Variants in ZNF804B observed in about 807,000 individuals in gnomAD.
ZNF804B encodes the protein zinc finger protein 804B, also known as zinc finger 804B.
Under a neutral mutation model 101.4 loss-of-function variants are expected in ZNF804B, and 80 were observed. The observed-to-expected ratio is 0.79, with a 90% CI of 0.66 to 0.95. The LOEUF (loss-of-function observed/expected upper bound fraction) is 0.95. Among genes scored for constraint, ZNF804B ranks in the 40% least tolerant of loss-of-function variants. The pLI is 0.00. For missense variants in ZNF804B, 1,673 were observed against 1,561.9 expected (o/e 1.07, Z -1.20); for synonymous variants, 622 against 558.8 (o/e 1.11, Z -1.59).
intron 1 of ZNF804B, among the ~76,000 whole-genome samples, chr7:88,832,752 C>G (rs372132874): frequency 1.3e-5 from 2 of 151,924 alleles, no homozygotes; most frequent in East Asian, 3.9e-4. Flanking sequence ...TTTGAAATTT[C>G]CCTTAGGCCG....
At chr7:89,275,454 T>A (rs977613676) in intron 2 of ZNF804B, among the ~76,000 whole-genome samples, 3 of 151,922 alleles carry the variant, frequency 2.0e-5, no homozygotes, top group Non-Finnish European at 4.4e-5. Flanking sequence ...TCAAAATGGA[T>A]AATGATCTGG....
rs1790917631 is a variant in ZNF804B, at chr7:89,154,030, C to T, written c.109-64125C>T. On this transcript the variant is annotated intron_variant, in intron 1 of 3. Coordinates refer to ENST00000333190, the MANE Select transcript of ZNF804B (RefSeq NM_181646.5). Reference sequence around the variant, plus strand: ...GAATATGTAAGGAACACAAACAAATCCATAGGAAAAAATCTAATAATCCAA... The same window carrying T: ...GAATATGTAAGGAACACAAACAAATTCATAGGAAAAAATCTAATAATCCAA... 1.4e-5 allele frequency among the ~76,000 whole-genome samples: 2 copies of T among 147,508 alleles called. 1 individual carries two copies. Among genetic ancestry groups the T allele is most frequent in the South Asian group, 4.4e-4 (2 of 4,512 alleles).
intron 2 of ZNF804B, among the ~76,000 whole-genome samples, chr7:89,226,427 G>T (rs929879912): frequency 1.3e-5 from 2 of 151,920 alleles, no homozygotes; most frequent in South Asian, 2.1e-4. Context: ...AATGTTTTGG[G>T]TCTACTAAAA....
intron 1 of ZNF804B, among the ~76,000 whole-genome samples, chr7:88,782,628 C>G (rs73705517): frequency 6.6e-6 from 1 of 152,040 alleles, no homozygotes; most frequent in African/African-American, 2.4e-5. Context: ...CTTGTAGAAA[C>G]ACACAGTGGG....
chr7:88,840,687 T>C lies in ZNF804B; in HGVS notation c.108+80603T>C, dbSNP rs1395464508. 3.3e-5 allele frequency among the ~76,000 whole-genome samples: 5 copies of C among 151,858 alleles called. No individual in the cohort carries two copies. In the East Asian group the frequency reaches 7.7e-4, roughly 24 times the overall value. ...TGAACTGAGATGAGATTGAATTGAA[T>C]ACATTAACTAATAAGCACTAGATTG... is the stretch of plus-strand genomic sequence containing the variant. On this transcript the variant is annotated intron_variant, in intron 1 of 3. Transcript: ENST00000333190.
chr7:89,301,204 T>C (rs1158189392), intron 2 of ZNF804B, among the ~76,000 whole-genome samples: 1 of 148,172 alleles, frequency 6.7e-6, no homozygotes, highest in Non-Finnish European at 1.5e-5. Context: ...TACCACACAC[T>C]TATTTTGACA....
Position 89,277,229 on chromosome 7 carries a change from C to A in ZNF804B, c.250-50115C>A, listed in dbSNP as rs1470422435. Among the ~76,000 whole-genome samples, 2 of 149,768 alleles carry A rather than the reference C, an allele frequency of 1.3e-5. 1 individual carries two copies. The highest frequency in any genetic ancestry group is 4.9e-5 in the African/African-American group (2 of 40,704). On this transcript the variant is annotated intron_variant, in intron 2 of 3. Coordinates refer to ENST00000333190, the MANE Select transcript of ZNF804B (RefSeq NM_181646.5). Reference sequence around the variant, plus strand: ...TTCCTCAAATGCAGAGCTAATGCACCAATAAACAAACATTTGTGAGTATAT... The same window carrying A: ...TTCCTCAAATGCAGAGCTAATGCACAAATAAACAAACATTTGTGAGTATAT...
intron 2 of ZNF804B, among the ~76,000 whole-genome samples, chr7:89,277,492 CTCCCCCCT>C (rs1350682376): frequency 2.2e-4 from 12 of 55,254 alleles, no homozygotes; most frequent in Admixed American, 9.3e-4. Flanking sequence ...CCCCTCCCCC[CTCCCCCCT>C]ACCCCCACCC....
intron 2 of ZNF804B, among the ~76,000 whole-genome samples, chr7:89,276,622 A>ACAAT (rs968072027): frequency 6.6e-6 from 1 of 151,942 alleles, no homozygotes; most frequent in African/African-American, 2.4e-5. Flanking sequence ...TATGTCTGTG[A>ACAAT]CAATCAAAAT....
chr7:88,939,768 A>T (rs886393207), intron 1 of ZNF804B, among the ~76,000 whole-genome samples: 3 of 145,610 alleles, frequency 2.1e-5, no homozygotes, highest in Admixed American at 1.4e-4. Flanking sequence ...GTGATCTAAT[A>T]AAAAAAAAAA....
chr7:88,842,254 A>G (rs1791301437), intron 1 of ZNF804B, among the ~76,000 whole-genome samples: 1 of 152,186 alleles, frequency 6.6e-6, no homozygotes, highest in Admixed American at 6.5e-5. Context: ...GTACAAATAA[A>G]TTGAACCAGC....
intron 1 of ZNF804B, among the ~76,000 whole-genome samples, chr7:89,005,435 A>C (rs1318945487): frequency 6.6e-6 from 1 of 152,102 alleles, no homozygotes; most frequent in East Asian, 1.9e-4. Context: ...CATTTTTAAT[A>C]CTACTGTGTA....
At chr7:88,948,632 G>A (rs1246364780) in intron 1 of ZNF804B, among the ~76,000 whole-genome samples, 1 of 151,758 alleles carries the variant, frequency 6.6e-6, no homozygotes, top group East Asian at 2.0e-4. Context: ...TAAGAGCCCT[G>A]CCTAAATAGA....
chr7:89,155,720 C>T (rs1332424241), intron 1 of ZNF804B, among the ~76,000 whole-genome samples: 6 of 152,168 alleles, frequency 3.9e-5, no homozygotes, highest in Non-Finnish European at 8.8e-5. Flanking sequence ...CGGAAGATAA[C>T]AAACTCTGTT....
At chr7:89,014,135 C>A (rs943233900) in intron 1 of ZNF804B, among the ~76,000 whole-genome samples, 1 of 152,092 alleles carries the variant, frequency 6.6e-6, no homozygotes, top group Non-Finnish European at 1.5e-5. Flanking sequence ...CTATACTGTT[C>A]TTTATAGTGG....
At chr7:88,836,750 A>G (rs768393729) in intron 1 of ZNF804B, among the ~76,000 whole-genome samples, 19 of 151,800 alleles carry the variant, frequency 1.3e-4, no homozygotes, top group Non-Finnish European at 2.1e-4. Flanking sequence ...CTTTCCCAGT[A>G]TTCTGTCCTG....
At chr7:89,321,331 T>G (rs1179745658) in intron 2 of ZNF804B, among the ~76,000 whole-genome samples, 1 of 151,850 alleles carries the variant, frequency 6.6e-6, no homozygotes, top group Non-Finnish European at 1.5e-5. Context: ...ATACAAAAAT[T>G]AGCCAGGCGT....
chr7:89,053,703 T>C (rs957198551), intron 1 of ZNF804B, among the ~76,000 whole-genome samples: 1 of 152,030 alleles, frequency 6.6e-6, no homozygotes. Context: ...TCGCTTTTCT[T>C]CTTTGCATTT....
intron 2 of ZNF804B, among the ~76,000 whole-genome samples, chr7:89,265,293 T>C (rs13438034): frequency 0.63 from 75,796 of 120,416 alleles, 19,127 homozygotes; most frequent in South Asian, 0.66. Flanking sequence ...TGTGTGTGTG[T>C]GCGCGTGCGC....
Sources: gnomAD v4.1 joint callset for allele counts (sites outside exome capture counted in the v4.1 genomes callset) on GRCh38, gnomAD v4.1.1 for gene constraint, MANE v1.5 for transcripts, NCBI Gene and HGNC (gene_info 2026-07-23, HGNC 2026-07-21) for gene names.